TCF7L1: variants seen among roughly 807,000 people sequenced by gnomAD.
The protein encoded by TCF7L1 is transcription factor 7 like 1, also known as transcription factor 7-like 1.
Under a neutral mutation model 63.7 loss-of-function variants are expected in TCF7L1, and 18 were observed. That is an observed-to-expected ratio of 0.28 (90% CI 0.20 to 0.42). The LOEUF is 0.42. TCF7L1 is among the 10% of genes least tolerant of loss of function. The probability of loss-of-function intolerance (pLI) is 1.00; values close to 1 mark genes in which losing one functional copy is unlikely to be tolerated. For synonymous variants in TCF7L1, 355 were observed against 340.9 expected (o/e 1.04, Z -0.46); for missense variants, 654 against 779.3 (o/e 0.84, Z 1.91).
At chr2:85,165,493 T>C (rs1476617775) in intron 3 of TCF7L1, among the ~76,000 whole-genome samples, 1 of 152,188 alleles carries the variant, frequency 6.6e-6, no homozygotes, top group Non-Finnish European at 1.5e-5. Context: ...TACCCACTCC[T>C]TCCAGAGTTA....
chr2:85,171,133 G>A (rs1481318389), intron 3 of TCF7L1, among the ~76,000 whole-genome samples: 2 of 152,192 alleles, frequency 1.3e-5, no homozygotes, highest in Non-Finnish European at 2.9e-5. Context: ...CATGGTGGCA[G>A]GCAAGAGAGC....
chr2:85,189,649 T>C (rs570208236), intron 3 of TCF7L1, among the ~76,000 whole-genome samples: 1 of 152,266 alleles, frequency 6.6e-6, no homozygotes, highest in South Asian at 2.1e-4. Context: ...AAGGACGGCC[T>C]CCCTTCCCGT....
chr2:85,281,331 T>C (rs4831998), intron 3 of TCF7L1, among the ~76,000 whole-genome samples: 45,886 of 152,068 alleles, frequency 0.3, 7,320 homozygotes, highest in East Asian at 0.57. Flanking sequence ...GCCTAGCTCC[T>C]TTTAAAATTT....
chr2:85,184,819 G>T (rs1364102336), intron 3 of TCF7L1, among the ~76,000 whole-genome samples: 1 of 152,164 alleles, frequency 6.6e-6, no homozygotes, highest in Admixed American at 6.5e-5. Context: ...TCTTCTACCT[G>T]GGCTAGGTCT....
intron 3 of TCF7L1, among the ~76,000 whole-genome samples, chr2:85,267,766 C>T (rs980079566): frequency 5.3e-5 from 8 of 151,808 alleles, no homozygotes; most frequent in Non-Finnish European, 8.8e-5. Flanking sequence ...ATAGCATCAA[C>T]TTATAAGGCT....
chr2:85,140,018 G>T (rs1419595188), intron 3 of TCF7L1, among the ~76,000 whole-genome samples: 1 of 152,164 alleles, frequency 6.6e-6, no homozygotes, highest in Non-Finnish European at 1.5e-5. Context: ...GGTGAAAAGG[G>T]CTTCAGAGTA....
chr2:85,196,708 C>G (rs1372631383), intron 3 of TCF7L1, among the ~76,000 whole-genome samples: 2 of 152,234 alleles, frequency 1.3e-5, no homozygotes, highest in East Asian at 3.9e-4. Flanking sequence ...AATGTGTAGT[C>G]AAGGTTAATA....
intron 3 of TCF7L1, among the ~76,000 whole-genome samples, chr2:85,191,415 A>G (rs1177970067): frequency 6.6e-6 from 1 of 152,198 alleles, no homozygotes; most frequent in African/African-American, 2.4e-5. Flanking sequence ...CAGATCACCA[A>G]ACCCTGCCTG....
In TCF7L1 at chr2:85,223,089, G is replaced by T. The variant is rs566048923; in HGVS notation, c.442-60406G>T. 1.4e-4 allele frequency among the ~76,000 whole-genome samples: 22 copies of T among 152,216 alleles called. No homozygotes were observed. In the South Asian group the frequency reaches 4.1e-3, roughly 29 times the overall value. On this transcript the variant is annotated intron_variant, in intron 3 of 11. Coordinates refer to ENST00000282111, the MANE Select transcript of TCF7L1 (RefSeq NM_031283.3). ...GTGTACATTGGAAATTTTCCAAAAT[G>T]GTTTGTTTTTGAGATGGAATCTCAC...
rs1013329198 is a variant in TCF7L1 at position 85,134,593 on chromosome 2, G to C, written c.441+143G>C. ...GTTTGCGGAGTTGAACTACTCTCTG[G>C]CGGCCGAGCGCGAGGCTGCGCTGGC... On this transcript the variant is annotated intron_variant, in intron 3 of 11. Coordinates refer to ENST00000282111, the MANE Select transcript of TCF7L1 (RefSeq NM_031283.3). The surrounding 1 kb of genome is among the most constrained non-coding windows in gnomAD (Gnocchi z 5.0). 3.4e-5 allele frequency: 42 copies of C among 1,230,906 alleles called. 1 individual carries two copies. The Admixed American group carries it at 5.7e-4, about 17-fold the overall frequency. 76.2% of individuals were successfully genotyped at this position (1,230,906 alleles called of 1,614,324 possible).
chr2:85,159,103 CA>C, intron 3 of TCF7L1, among the ~76,000 whole-genome samples: 1 of 152,158 alleles, frequency 6.6e-6, no homozygotes. Context: ...AGCCTTCGAT[CA>C]ATAAATAGAA....
intron 3 of TCF7L1, among the ~76,000 whole-genome samples, chr2:85,268,667 C>T (rs373844362): frequency 8.6e-5 from 13 of 151,624 alleles, no homozygotes; most frequent in African/African-American, 2.4e-4. Flanking sequence ...GTGTCGAACT[C>T]CTGACCTCAG....
intron 3 of TCF7L1, among the ~76,000 whole-genome samples, chr2:85,274,369 G>C (rs957141761): frequency 6.6e-6 from 1 of 152,216 alleles, no homozygotes; most frequent in Admixed American, 6.5e-5. Flanking sequence ...GGCCACCACA[G>C]AATGGCTGTG....
chr2:85,191,306 A>G (rs1256987173), intron 3 of TCF7L1, among the ~76,000 whole-genome samples: 2 of 152,128 alleles, frequency 1.3e-5, no homozygotes, highest in Non-Finnish European at 2.9e-5. Flanking sequence ...ACCACTTAAC[A>G]TGACATTGGT....
intron 3 of TCF7L1, among the ~76,000 whole-genome samples, chr2:85,138,300 C>T (rs1331620052): frequency 2.0e-5 from 3 of 152,180 alleles, no homozygotes; most frequent in Admixed American, 2.0e-4. Context: ...CAGTCTTGCT[C>T]ATATCCTGGG....
At chr2:85,163,914 A>T (rs2104224596) in intron 3 of TCF7L1, among the ~76,000 whole-genome samples, 1 of 152,244 alleles carries the variant, frequency 6.6e-6, no homozygotes, top group East Asian at 1.9e-4. Context: ...TTATCTCCTT[A>T]TGTGGAGACA....
chr2:85,216,071 C>A (rs1407155889), intron 3 of TCF7L1, among the ~76,000 whole-genome samples: 1 of 152,110 alleles, frequency 6.6e-6, no homozygotes, highest in Non-Finnish European at 1.5e-5. Context: ...GGTTCAGCTT[C>A]CTTGAGGAGC....
chr2:85,180,030 G>C (rs562735935), intron 3 of TCF7L1, among the ~76,000 whole-genome samples: 1 of 152,006 alleles, frequency 6.6e-6, no homozygotes, highest in Non-Finnish European at 1.5e-5. Flanking sequence ...CCTGTGTAGG[G>C]TGTCACTGCC....
At chr2:85,280,697 T>C (rs1476012922) in intron 3 of TCF7L1, among the ~76,000 whole-genome samples, 2 of 152,244 alleles carry the variant, frequency 1.3e-5, no homozygotes, top group Non-Finnish European at 2.9e-5. Flanking sequence ...AAGTTGTTGC[T>C]TCTAGAAAAA....
Sources: allele counts gnomAD v4.1 joint callset (sites outside exome capture counted in the v4.1 genomes callset), GRCh38; gene constraint gnomAD v4.1.1; non-coding constraint Gnocchi (gnomAD v3.1); transcripts MANE v1.5; gene names NCBI Gene and HGNC (gene_info 2026-07-23, HGNC 2026-07-21).